The following HS3ST4 variants were observed in gnomAD, a reference collection of about 807,000 sequenced individuals.
HS3ST4 encodes heparan sulfate-glucosamine 3-sulfotransferase 4, also known as heparan sulfate glucosamine 3-O-sulfotransferase 4.
A neutral mutation model predicts 29.2 loss-of-function variants in HS3ST4; 17 were observed. The observed-to-expected ratio is 0.58, with a 90% CI of 0.40 to 0.87. The LOEUF (loss-of-function observed/expected upper bound fraction) is 0.87. HS3ST4 is among the 40% of genes least tolerant of loss of function. HS3ST4 has a pLI of 0.00. For synonymous variants in HS3ST4, 314 were observed against 285.7 expected (o/e 1.10, Z -1.00); for missense variants, 627 against 634.5 (o/e 0.99, Z 0.13).
chr16:25,999,833 TTA>T (rs796694607), intron 1 of HS3ST4, among the ~76,000 whole-genome samples: 11 of 113,290 alleles, frequency 9.7e-5, no homozygotes, highest in South Asian at 5.6e-4. Context: ...TATTTATATA[TTA>T]TATATATTTT....
chr16:26,049,872 C>T (rs898984662), intron 1 of HS3ST4, among the ~76,000 whole-genome samples: 2 of 152,112 alleles, frequency 1.3e-5, no homozygotes, highest in African/African-American at 4.8e-5. Flanking sequence ...AAGGATGTTA[C>T]AAAGGATACA....
At chr16:25,897,780 A>G (rs1968083596) in intron 1 of HS3ST4, among the ~76,000 whole-genome samples, 2 of 151,226 alleles carry the variant, frequency 1.3e-5, no homozygotes, top group South Asian at 2.1e-4. Flanking sequence ...CACTGAAAAG[A>G]CTCTGGCTGA....
intron 1 of HS3ST4, among the ~76,000 whole-genome samples, chr16:25,896,098 G>A (rs1293478629): frequency 1.3e-5 from 2 of 152,090 alleles, no homozygotes; most frequent in Non-Finnish European, 2.9e-5. Context: ...TCTTCTTAAC[G>A]ATTCTCCTGG....
At chr16:26,084,497 G>A (rs891767081) in intron 1 of HS3ST4, among the ~76,000 whole-genome samples, 1 of 152,144 alleles carries the variant, frequency 6.6e-6, no homozygotes, top group African/African-American at 2.4e-5. Context: ...TTCTTTTCCT[G>A]TAAGATTGTA....
intron 1 of HS3ST4, among the ~76,000 whole-genome samples, chr16:25,856,895 A>C (rs368985030): frequency 5.0e-4 from 76 of 152,262 alleles, no homozygotes; most frequent in African/African-American, 1.8e-3. Context: ...CTAGCAAATG[A>C]TCAAGCCTGA....
chr16:25,956,581 G>A (rs1416210596), intron 1 of HS3ST4, among the ~76,000 whole-genome samples: 3 of 152,196 alleles, frequency 2.0e-5, no homozygotes, highest in African/African-American at 2.4e-5. Flanking sequence ...TCCAAAAGAT[G>A]TGTAGATTTG....
chr16:25,692,585 G>T lies in HS3ST4; in HGVS notation c.168G>T (p.Ser56=). The change falls in exon 1 of 2, where the codon TCG becomes TCT. Residue 56 remains serine (S), a synonymous_variant. Transcript: ENST00000331351. Reference sequence around the variant, plus strand: ...TGTGCTACAGCCTCCTGGGCGGCTCGGGCTCCCTGCAATTCCCTCTGGCGC... The same window carrying T: ...TGTGCTACAGCCTCCTGGGCGGCTCTGGCTCCCTGCAATTCCCTCTGGCGC... ...TYLCYSLLGG[S]GSLQFPLALQ... is the part of the protein sequence containing the mutation. 1 of 1,422,614 alleles carries T rather than the reference G, an allele frequency of 7.0e-7. No individual in the cohort carries two copies. 88.1% of individuals were successfully genotyped at this position (1,422,614 alleles called of 1,614,324 possible).
Position 25,732,039 on chromosome 16 carries a change from G to A in HS3ST4, c.734+38888G>A, listed in dbSNP as rs115288679. Among the ~76,000 whole-genome samples, 1,099 of 152,208 alleles carry A rather than the reference G, an allele frequency of 7.2e-3. 14 individuals carry two copies. Among genetic ancestry groups the A allele is most frequent in the African/African-American group, 0.024 (988 of 41,518 alleles). ...TTGACCCCTCCTGATCCAAAATTGG[G>A]GTAGACACATTGCAAAACCCATAAG... On this transcript the variant is annotated intron_variant, in intron 1 of 1. Transcript: ENST00000331351.
At chr16:26,121,557 T>C (rs753281255) in intron 1 of HS3ST4, among the ~76,000 whole-genome samples, 1 of 152,120 alleles carries the variant, frequency 6.6e-6, no homozygotes, top group Non-Finnish European at 1.5e-5. Context: ...CTTGGATCAG[T>C]AGCAGGATGC....
intron 1 of HS3ST4, among the ~76,000 whole-genome samples, chr16:25,873,461 CCCACCCAT>C (rs1967785504): frequency 8.1e-6 from 1 of 123,714 alleles, no homozygotes; most frequent in African/African-American, 3.3e-5. Context: ...CATCCATTTA[CCCACCCAT>C]CCATCTATCT....
intron 1 of HS3ST4, among the ~76,000 whole-genome samples, chr16:26,031,135 C>T (rs930488830): frequency 2.6e-5 from 4 of 152,146 alleles, no homozygotes; most frequent in African/African-American, 9.7e-5. Context: ...GCTGTGGGTC[C>T]AGCCAAACCA....
intron 1 of HS3ST4, among the ~76,000 whole-genome samples, chr16:25,753,167 C>G (rs577699048): frequency 6.6e-6 from 1 of 152,278 alleles, no homozygotes; most frequent in East Asian, 1.9e-4. Flanking sequence ...ATGAGAATGG[C>G]ACTAGGTATG....
rs1055742553 is a variant in HS3ST4, at chr16:25,692,753, C to A, written c.336C>A (p.Pro112=). ...ACAACGCGAGCCACGGGGAGCCGCC[C>A]GAGCCCCCAGAGCAGCCAGCCGCCC... is the stretch of plus-strand genomic sequence containing the variant. The part of the protein sequence containing the change: ...PLDNASHGEP[P]EPPEQPAAPG... Residue 112 remains proline (P), a synonymous_variant, in exon 1 of 2, where the codon CCC becomes CCA. Transcript: ENST00000331351. 3 of 1,304,058 alleles carry A rather than the reference C, an allele frequency of 2.3e-6. No individual in the cohort carries two copies. The highest frequency in any genetic ancestry group is 2.9e-6 in the Non-Finnish European group (3 of 1,032,346). The allele number at this position is 1,304,058 out of a possible 1,614,324, so 80.8% of individuals were successfully genotyped here. A position where few individuals can be genotyped will look rare whatever the true frequency, so the allele number is the denominator to read the frequency against.
chr16:25,859,954 C>T (rs1000418054), intron 1 of HS3ST4, among the ~76,000 whole-genome samples: 1 of 152,172 alleles, frequency 6.6e-6, no homozygotes, highest in Non-Finnish European at 1.5e-5. Context: ...AGCTTCACCT[C>T]CTGTCAGATC....
At chr16:25,812,267 C>A (rs1342189923) in intron 1 of HS3ST4, among the ~76,000 whole-genome samples, 1 of 152,216 alleles carries the variant, frequency 6.6e-6, no homozygotes, top group African/African-American at 2.4e-5. Context: ...TCACAAATAT[C>A]TAACCTCACC....
Position 25,953,715 on chromosome 16 carries a change from G to A in HS3ST4, c.735-181897G>A, listed in dbSNP as rs189495816. 1.0e-3 allele frequency among the ~76,000 whole-genome samples: 158 copies of A among 152,242 alleles called. 2 individuals carry two copies. Among genetic ancestry groups the A allele is most frequent in the African/African-American group, 4.1e-4 (17 of 41,552 alleles). ...AGTGATTTATTTGCCAAGTGGTTCC[G>A]GGAAGCACTGGTAAGGTCAGGAGTG... On this transcript the variant is annotated intron_variant, in intron 1 of 1. Transcript: ENST00000331351.
intron 1 of HS3ST4, among the ~76,000 whole-genome samples, chr16:25,693,854 G>C (rs943743901): frequency 2.0e-5 from 3 of 152,124 alleles, no homozygotes; most frequent in Non-Finnish European, 2.9e-5. Flanking sequence ...CGCCTCCTTC[G>C]CAACAGATTG....
intron 1 of HS3ST4, among the ~76,000 whole-genome samples, chr16:25,948,073 GA>G (rs1327349306): frequency 6.6e-6 from 1 of 152,104 alleles, no homozygotes; most frequent in Non-Finnish European, 1.5e-5. Flanking sequence ...TTGAAATTTA[GA>G]ACTATTCTTA....
Position 26,056,040 on chromosome 16 carries a change from CAGAGAGAGAGAGAGAGAGAG to C in HS3ST4, c.735-79552_735-79533del, listed in dbSNP as rs55688033. 2.1e-3 allele frequency among the ~76,000 whole-genome samples: 308 copies of C among 147,952 alleles called. 3 individuals carry two copies. Among genetic ancestry groups the C allele is most frequent in the African/African-American group, 7.1e-3 (283 of 39,960 alleles). On this transcript the variant is annotated intron_variant, in intron 1 of 1. Coordinates refer to ENST00000331351, the MANE Select transcript of HS3ST4 (RefSeq NM_006040.3). ...CTAATTTGCATGAGAAAGAGAGAGA[CAGAGAGAGAGAGAGAGAGAG>C]AGAGAGAGAGAGAGAGAGAAGAATG...
Sources: allele counts gnomAD v4.1 joint callset (sites outside exome capture counted in the v4.1 genomes callset), GRCh38; gene constraint gnomAD v4.1.1; transcripts MANE v1.5; gene names NCBI Gene and HGNC (gene_info 2026-07-23, HGNC 2026-07-21).